The following SUGCT variants were observed in gnomAD, a reference collection of about 807,000 sequenced individuals.
The protein encoded by SUGCT is succinyl-CoA:glutarate-CoA transferase, also known as succinyl-CoA:glutarate CoA-transferase.
A neutral mutation model predicts 55.0 loss-of-function variants in SUGCT; 41 were observed. The ratio of observed to expected loss-of-function variants is 0.74; its 90% CI spans 0.58 to 0.97. The LOEUF is 0.97. SUGCT is among the 50% of genes least tolerant of loss of function. The probability of loss-of-function intolerance (pLI) is 0.00; values close to 1 mark genes in which losing one functional copy is unlikely to be tolerated. For synonymous variants in SUGCT, 187 were observed against 200.4 expected (o/e 0.93, Z 0.56); for missense variants, 568 against 547.8 (o/e 1.04, Z -0.37).
the SUGCT span, among the ~76,000 whole-genome samples, chr7:41,006,669 T>C: frequency 5.3e-5 from 8 of 152,196 alleles, no homozygotes; most frequent in Admixed American, 4.6e-4. Flanking sequence ...ATGGTGGTCA[T>C]TGATTTCCAG....
chr7:40,269,179 T>C (rs1436662476), intron 7 of SUGCT, among the ~76,000 whole-genome samples: 1 of 152,222 alleles, frequency 6.6e-6, no homozygotes, highest in African/African-American at 2.4e-5. Flanking sequence ...GGTTTTAATT[T>C]ACATTTCTCT....
intron 5 of SUGCT, 140 bp from the exon 6 acceptor site, chr7:40,194,800 T>A: frequency 1.0e-6 from 1 of 974,810 alleles, no homozygotes. Flanking sequence ...CTAGAACTTC[T>A]ATGTTTATCT....
chr7:40,354,332 A>C (rs974645171), intron 9 of SUGCT, among the ~76,000 whole-genome samples: 1 of 152,222 alleles, frequency 6.6e-6, no homozygotes, highest in South Asian at 2.1e-4. Context: ...ATGGACGGAG[A>C]GGTGGGAAAA....
chr7:41,018,626 T>TA, the SUGCT span, among the ~76,000 whole-genome samples: 7 of 152,040 alleles, frequency 4.6e-5, no homozygotes, highest in Middle Eastern at 3.4e-3. Flanking sequence ...AAGAATGATT[T>TA]AAAAAAAACA....
At chr7:40,958,382 T>C in the SUGCT span, among the ~76,000 whole-genome samples, 6 of 152,038 alleles carry the variant, frequency 3.9e-5, no homozygotes, top group Admixed American at 6.6e-5. Flanking sequence ...TTTTCTCTAA[T>C]CTTGTCTTCA....
At chr7:40,850,845 G>A (rs1413570200) in intron 13 of SUGCT, among the ~76,000 whole-genome samples, 3 of 152,122 alleles carry the variant, frequency 2.0e-5, no homozygotes, top group African/African-American at 7.2e-5. Flanking sequence ...TAATGTTCTG[G>A]GAAGTCTAGG....
chr7:40,161,672 T>C (rs1410624938), intron 1 of SUGCT, among the ~76,000 whole-genome samples: 1 of 152,182 alleles, frequency 6.6e-6, no homozygotes, highest in Non-Finnish European at 1.5e-5. Context: ...CATTCTTATA[T>C]TGAATAGTAA....
intron 12 of SUGCT, among the ~76,000 whole-genome samples, chr7:40,594,782 A>G (rs1303025544): frequency 6.6e-6 from 1 of 152,214 alleles, no homozygotes; most frequent in Non-Finnish European, 1.5e-5. Context: ...ATGCATGGTC[A>G]ATGTAAAACA....
Position 40,188,478 on chromosome 7 carries a change from C to T in SUGCT, c.227-17C>T, listed in dbSNP as rs766634150. 1.4e-6 allele frequency: 2 copies of T among 1,404,444 alleles called. No homozygotes were observed. Among genetic ancestry groups the T allele is most frequent in the South Asian group, 2.5e-5 (2 of 78,998 alleles). The allele number at this position is 1,404,444 out of a possible 1,614,324, so 87.0% of individuals were successfully genotyped here. A position where few individuals can be genotyped will look rare whatever the true frequency, so the allele number is the denominator to read the frequency against. The stretch of plus-strand genomic sequence containing the variant: ...AAACAAACCCCAAAGATTAATAGCT[C>T]ATGTTATTATTTTCAGGAGCTGGTG... On this transcript the variant is annotated splice_polypyrimidine_tract_variant and intron_variant, in intron 3 of 13. Transcript: ENST00000335693.
chr7:40,912,591 C>T, the SUGCT span, among the ~76,000 whole-genome samples: 1 of 152,124 alleles, frequency 6.6e-6, no homozygotes, highest in Non-Finnish European at 1.5e-5. Flanking sequence ...CTATCATTAA[C>T]TTATCCTGTG....
chr7:40,842,164 C>CATT (rs548526973), intron 13 of SUGCT, among the ~76,000 whole-genome samples: 91 of 151,666 alleles, frequency 6.0e-4, no homozygotes, highest in Admixed American at 2.4e-3. Context: ...AGACACATAT[C>CATT]ATTATTATTA....
chr7:40,289,927 AC>A (rs1274547555), intron 8 of SUGCT, among the ~76,000 whole-genome samples: 1 of 152,204 alleles, frequency 6.6e-6, no homozygotes, highest in Non-Finnish European at 1.5e-5. Context: ...AGAATAAAAT[AC>A]CTAGGAATCC....
At chr7:40,932,903 C>CT in the SUGCT span, among the ~76,000 whole-genome samples, 49 of 152,198 alleles carry the variant, frequency 3.2e-4, no homozygotes, top group East Asian at 8.1e-3. Flanking sequence ...CAGTCTGCGT[C>CT]TTTTAATTGG....
intron 13 of SUGCT, among the ~76,000 whole-genome samples, chr7:40,805,857 C>T (rs200892038): frequency 6.6e-6 from 1 of 152,188 alleles, no homozygotes; most frequent in East Asian, 1.9e-4. Context: ...TAGGGTGTTG[C>T]TCTGACTTGG....
At chr7:40,399,795 G>T (rs145848948) in intron 9 of SUGCT, among the ~76,000 whole-genome samples, 87 of 152,300 alleles carry the variant, frequency 5.7e-4, no homozygotes, top group African/African-American at 2.0e-3. Flanking sequence ...AAGGGTAAGA[G>T]CACATCACTA....
intron 1 of SUGCT, among the ~76,000 whole-genome samples, chr7:40,175,300 G>A (rs768790473): frequency 3.6e-4 from 54 of 151,368 alleles, no homozygotes; most frequent in Non-Finnish European, 2.4e-4. Flanking sequence ...GCTCACTGCA[G>A]CCTCTGCCTC....
At chr7:40,424,031 T>C (rs915078019) in intron 9 of SUGCT, among the ~76,000 whole-genome samples, 21 of 152,114 alleles carry the variant, frequency 1.4e-4, no homozygotes, top group Admixed American at 7.9e-4. Flanking sequence ...AGTTTTAGGA[T>C]CTTAAAGTGG....
intron 9 of SUGCT, among the ~76,000 whole-genome samples, chr7:40,446,000 C>G (rs1281996477): frequency 1.3e-5 from 2 of 151,980 alleles, no homozygotes; most frequent in African/African-American, 4.8e-5. Context: ...AGGATATTAA[C>G]AAGGGTACAG....
intron 7 of SUGCT, among the ~76,000 whole-genome samples, chr7:40,274,073 CTTTTTTT>C (rs386409972): frequency 2.1e-4 from 14 of 68,004 alleles, no homozygotes; most frequent in South Asian, 6.2e-4. Flanking sequence ...TTTTTACCTT[CTTTTTTT>C]TTTTTTTTTT....
Sources: gnomAD v4.1 joint callset for allele counts (sites outside exome capture counted in the v4.1 genomes callset) on GRCh38, gnomAD v4.1.1 for gene constraint, MANE v1.5 for transcripts, NCBI Gene and HGNC (gene_info 2026-07-23, HGNC 2026-07-21) for gene names.